GPC5: variants seen among roughly 807,000 people sequenced by gnomAD.
GPC5 encodes the protein glypican-5.
GPC5 carries 47 observed loss-of-function variants against 53.9 expected under a neutral mutation model. The observed-to-expected ratio is 0.87, with a 90% CI of 0.69 to 1.11. GPC5 has a LOEUF of 1.11. Among genes scored for constraint, GPC5 ranks in the 50% most tolerant of loss-of-function variants. The probability of loss-of-function intolerance (pLI) is 0.00; values close to 1 mark genes in which losing one functional copy is unlikely to be tolerated. For missense variants in GPC5, 748 were observed against 713.1 expected, an observed-to-expected ratio of 1.05 and a Z score of -0.56; for synonymous variants, 286 against 263.3, an observed-to-expected ratio of 1.09 and a Z score of -0.84.
At chr13:91,468,222 C>T (rs754666595) in intron 2 of GPC5, among the ~76,000 whole-genome samples, 1 of 151,860 alleles carries the variant, frequency 6.6e-6, no homozygotes, top group South Asian at 2.1e-4. Flanking sequence ...CTAATATTCA[C>T]AGCGGAACAT....
intron 1 of GPC5, 25 bp downstream of exon 1, chr13:91,399,234 G>A: frequency 6.2e-7 from 1 of 1,604,526 alleles, no homozygotes; most frequent in South Asian, 1.1e-5. Flanking sequence ...GGGGGTCTCT[G>A]GACTGGCGGC....
At chr13:92,530,916 T>C (rs1460439048) in intron 7 of GPC5, among the ~76,000 whole-genome samples, 1 of 152,224 alleles carries the variant, frequency 6.6e-6, no homozygotes, top group East Asian at 1.9e-4. Flanking sequence ...GATTCCCAAG[T>C]GATCTTTTGA....
At chr13:92,278,004 G>A (rs1347418716) in intron 7 of GPC5, among the ~76,000 whole-genome samples, 1 of 151,748 alleles carries the variant, frequency 6.6e-6, no homozygotes, top group Non-Finnish European at 1.5e-5. Context: ...ATAATGAAAA[G>A]TTTTTATTTA....
chr13:92,525,868 C>A (rs1881261314), intron 7 of GPC5, among the ~76,000 whole-genome samples: 1 of 152,078 alleles, frequency 6.6e-6, no homozygotes, highest in Admixed American at 6.6e-5. Context: ...AAGAATTTCC[C>A]TTATCAACTC....
chr13:91,458,295 G>T (rs574953348), intron 2 of GPC5, among the ~76,000 whole-genome samples: 6 of 152,184 alleles, frequency 3.9e-5, no homozygotes, highest in Non-Finnish European at 8.8e-5. Context: ...GTCGTCTGGG[G>T]CCTGTTAGGC....
intron 6 of GPC5, among the ~76,000 whole-genome samples, chr13:92,012,414 C>A (rs1229445478): frequency 6.6e-6 from 1 of 152,024 alleles, no homozygotes; most frequent in African/African-American, 2.4e-5. Context: ...TGTTTATCAT[C>A]CTGATTTTTT....
chr13:92,062,735 G>C (rs2041135092), intron 6 of GPC5, among the ~76,000 whole-genome samples: 1 of 151,974 alleles, frequency 6.6e-6, no homozygotes, highest in Non-Finnish European at 1.5e-5. Flanking sequence ...CAGGTAGTAA[G>C]TCTCAAATGC....
chr13:92,124,008 CTTTG>C, intron 6 of GPC5, among the ~76,000 whole-genome samples: 1 of 151,990 alleles, frequency 6.6e-6, no homozygotes, highest in South Asian at 2.1e-4. Flanking sequence ...TCGTTTTCAG[CTTTG>C]TTTCTCTTTT....
At chr13:92,113,334 G>C (rs569735064) in intron 6 of GPC5, among the ~76,000 whole-genome samples, 109 of 152,140 alleles carry the variant, frequency 7.2e-4, no homozygotes, top group African/African-American at 2.6e-3. Flanking sequence ...TATTCAAAGG[G>C]AAAATAAGTG....
At chr13:92,413,155 G>T (rs1876123664) in intron 7 of GPC5, among the ~76,000 whole-genome samples, 1 of 152,138 alleles carries the variant, frequency 6.6e-6, no homozygotes, top group Admixed American at 6.5e-5. Context: ...CAAACCTGGT[G>T]GGTGGTTGAA....
chr13:92,241,782 T>C (rs1341760399), intron 7 of GPC5: 1 of 152,178 alleles, frequency 6.6e-6, no homozygotes, highest in African/African-American at 2.4e-5. Flanking sequence ...AAAATATTCT[T>C]AGGCAAGTAC....
chr13:92,521,304 A>G (rs933243384), intron 7 of GPC5, among the ~76,000 whole-genome samples: 1 of 152,198 alleles, frequency 6.6e-6, no homozygotes, highest in African/African-American at 2.4e-5. Flanking sequence ...AACAAAAAAG[A>G]GCCCACATTG....
At chr13:91,682,439 T>A (rs1459496932) in intron 2 of GPC5, among the ~76,000 whole-genome samples, 1 of 152,230 alleles carries the variant, frequency 6.6e-6, no homozygotes, top group African/African-American at 2.4e-5. Context: ...ACAGCTGTTC[T>A]ATGAGATAGG....
At chr13:91,616,221 C>A (rs1443968936) in intron 2 of GPC5, among the ~76,000 whole-genome samples, 1 of 152,038 alleles carries the variant, frequency 6.6e-6, no homozygotes, top group Admixed American at 6.6e-5. Flanking sequence ...TGGAGCTGGG[C>A]ACCCTGACAA....
At chr13:92,229,579 T>A (rs1014675065) in intron 7 of GPC5, among the ~76,000 whole-genome samples, 5 of 152,134 alleles carry the variant, frequency 3.3e-5, no homozygotes, top group African/African-American at 1.2e-4. Flanking sequence ...GAAATCAATG[T>A]GGACTATTCT....
intron 2 of GPC5, among the ~76,000 whole-genome samples, chr13:91,665,262 T>C (rs1382799566): frequency 6.6e-6 from 1 of 152,240 alleles, no homozygotes; most frequent in Non-Finnish European, 1.5e-5. Context: ...ACTTCTCCAA[T>C]TAGGTCATTT....
At chr13:92,487,446 G>T (rs1359963068) in intron 7 of GPC5, among the ~76,000 whole-genome samples, 1 of 152,072 alleles carries the variant, frequency 6.6e-6, no homozygotes, top group African/African-American at 2.4e-5. Flanking sequence ...ATTCACCAAA[G>T]GCATGTCATG....
At chr13:92,706,258 G>T (rs1290132989) in intron 7 of GPC5, among the ~76,000 whole-genome samples, 1 of 151,880 alleles carries the variant, frequency 6.6e-6, no homozygotes, top group African/African-American at 2.4e-5. Context: ...AATCAGTTAT[G>T]CATAATCCAG....
chr13:92,056,482 A>C (rs1202595898), intron 6 of GPC5, among the ~76,000 whole-genome samples: 1 of 151,826 alleles, frequency 6.6e-6, no homozygotes, highest in Non-Finnish European at 1.5e-5. Context: ...GGGGAGCATG[A>C]CTCTGTTTAC....
Sources: gnomAD v4.1 joint callset for allele counts (sites outside exome capture counted in the v4.1 genomes callset) on GRCh38, gnomAD v4.1.1 for gene constraint, MANE v1.5 for transcripts, NCBI Gene and HGNC (gene_info 2026-07-23, HGNC 2026-07-21) for gene names.